The following SLC4A4 variants were observed in gnomAD, a reference collection of about 807,000 sequenced individuals.
The protein encoded by SLC4A4 is solute carrier family 4 member 4.
In SLC4A4, 27 loss-of-function variants were observed where a neutral mutation model predicts 111.5. The ratio of observed to expected loss-of-function variants is 0.24; its 90% CI spans 0.18 to 0.33. SLC4A4 has a LOEUF of 0.33. Among genes scored for constraint, SLC4A4 ranks in the 10% least tolerant of loss-of-function variants. SLC4A4 has a pLI of 1.00. For missense variants in SLC4A4, 909 were observed against 1,315.5 expected, an observed-to-expected ratio of 0.69 and a Z score of 4.78; for synonymous variants, 443 against 463.4, an observed-to-expected ratio of 0.96 and a Z score of 0.57.
intron 20 of SLC4A4, among the ~76,000 whole-genome samples, chr4:71,554,412 T>C (rs72854431): frequency 0.012 from 1,853 of 151,958 alleles, 41 homozygotes; most frequent in African/African-American, 0.042. Context: ...ATTTCAAAGG[T>C]CTAGGAATAG....
At chr4:71,154,739 A>G (rs995807774) in intron 2 of SLC4A4, among the ~76,000 whole-genome samples, 3 of 152,216 alleles carry the variant, frequency 2.0e-5, no homozygotes, top group Non-Finnish European at 4.4e-5. Context: ...ATAATTCTAC[A>G]TTTAATAGAT....
At chr4:71,248,161 G>A (rs996507995) in intron 2 of SLC4A4, among the ~76,000 whole-genome samples, 3 of 152,106 alleles carry the variant, frequency 2.0e-5, no homozygotes, top group Non-Finnish European at 4.4e-5. Context: ...TCCTCTAGGT[G>A]AATGTTCTGG....
intron 4 of SLC4A4, among the ~76,000 whole-genome samples, chr4:71,349,702 C>T (rs1413495610): frequency 6.6e-6 from 1 of 152,164 alleles, no homozygotes; most frequent in Non-Finnish European, 1.5e-5. Context: ...CTTTTTTCTT[C>T]TCTAACTTCA....
intron 18 of SLC4A4, among the ~76,000 whole-genome samples, chr4:71,540,840 A>T (rs1869378): frequency 0.21 from 31,633 of 152,116 alleles, 5,795 homozygotes; most frequent in East Asian, 0.48. Context: ...AGGCCCAGGG[A>T]GGGAAGGAGC....
intron 3 of SLC4A4, among the ~76,000 whole-genome samples, chr4:71,313,349 G>A (rs1206758337): frequency 6.6e-6 from 1 of 152,126 alleles, no homozygotes; most frequent in East Asian, 1.9e-4. Flanking sequence ...ATGGCCATAT[G>A]GCCCAGAGTA....
Position 71,102,042 on chromosome 4 carries a change from A to G in SLC4A4, c.-2+9250A>G, listed in dbSNP as rs1290427175. Among the ~76,000 whole-genome samples, 4 of 151,296 alleles carry G rather than the reference A, an allele frequency of 2.6e-5. No homozygotes were observed. The East Asian group carries it at 7.8e-4, about 30-fold the overall frequency. Reference sequence around the variant, plus strand: ...CTTTGAAAAAAAATTAGAAGAATGTATAACTAGAATAACCAATACAGAGAA... The same window carrying G: ...CTTTGAAAAAAAATTAGAAGAATGTGTAACTAGAATAACCAATACAGAGAA... On this transcript the variant is annotated intron_variant, in intron 2 of 26. Coordinates refer to the SLC4A4 transcript ENST00000649996.
intron 2 of SLC4A4, among the ~76,000 whole-genome samples, chr4:71,180,791 G>A (rs1035169048): frequency 2.0e-5 from 3 of 152,144 alleles, no homozygotes; most frequent in Non-Finnish European, 2.9e-5. Flanking sequence ...TCAGTGTGGC[G>A]ATTCCTCAGG....
intron 3 of SLC4A4, among the ~76,000 whole-genome samples, chr4:71,307,074 G>A (rs543020840): frequency 6.6e-6 from 1 of 152,302 alleles, no homozygotes; most frequent in African/African-American, 2.4e-5. Context: ...TTAGAAAATG[G>A]CATGTGAATT....
intron 1 of SLC4A4, among the ~76,000 whole-genome samples, chr4:71,081,356 A>T (rs1741988512): frequency 6.6e-6 from 1 of 152,098 alleles, no homozygotes; most frequent in Non-Finnish European, 1.5e-5. Flanking sequence ...GTTGCCACAG[A>T]TGCCAAAACT....
At chr4:71,142,631 C>T (rs1430220855) in intron 2 of SLC4A4, among the ~76,000 whole-genome samples, 2 of 152,140 alleles carry the variant, frequency 1.3e-5, no homozygotes, top group Non-Finnish European at 2.9e-5. Flanking sequence ...AGAGGAAATT[C>T]ACCAACCTGA....
intron 3 of SLC4A4, among the ~76,000 whole-genome samples, chr4:71,270,857 C>A (rs1452723132): frequency 2.0e-5 from 3 of 152,218 alleles, no homozygotes; most frequent in Non-Finnish European, 4.4e-5. Flanking sequence ...ACCATGGTCT[C>A]ATCTGCACTG....
Position 71,547,715 on chromosome 4 carries a change from T to G in SLC4A4, c.2689T>G (p.Leu897Val). 6.2e-7 allele frequency: 1 copy of G among 1,610,756 alleles called. No homozygotes were observed. Among genetic ancestry groups the G allele is most frequent in the Non-Finnish European group, 8.5e-7 (1 of 1,177,460 alleles). ...TCTGTCAGTCTTTATGGCTCCCATC[T>G]TGAAGGTAAATATGTGAAACATTCA... Reference protein sequence around the residue: ...TGLSVFMAPILKFIPMPVLYG... With the variant: ...TGLSVFMAPIVKFIPMPVLYG... Residue 897 changes from leucine to valine, a missense_variant, in exon 20 of 26, where the codon TTG becomes GTG. Transcript: ENST00000264485.
chr4:71,224,478 T>C (rs182151506), intron 1 of SLC4A4, among the ~76,000 whole-genome samples: 1 of 152,334 alleles, frequency 6.6e-6, no homozygotes, highest in Non-Finnish European at 1.5e-5. Flanking sequence ...TGTGGTTTTT[T>C]TTGGGAATGT....
chr4:71,190,429 C>CAG (rs149752896), intron 1 of SLC4A4, among the ~76,000 whole-genome samples: 1 of 135,692 alleles, frequency 7.4e-6, no homozygotes, highest in Non-Finnish European at 1.6e-5. Context: ...CACACACACA[C>CAG]AGACACAACT....
Position 71,443,987 on chromosome 4 carries a change from A to G in SLC4A4, c.965+3214A>G, listed in dbSNP as rs906460136. Among the ~76,000 whole-genome samples, 3 of 152,200 alleles carry G rather than the reference A, an allele frequency of 2.0e-5. No homozygotes were observed. The South Asian group carries it at 6.2e-4, about 32-fold the overall frequency. On this transcript the variant is annotated intron_variant, in intron 8 of 25. Coordinates refer to ENST00000264485, the MANE Select transcript of SLC4A4 (RefSeq NM_001098484.3). Reference sequence around the variant, plus strand: ...GTGGGTTTGTGGTCCTCATGAATCCATTATGGAAGCCACAGTTTAGCCACA... The same window carrying G: ...GTGGGTTTGTGGTCCTCATGAATCCGTTATGGAAGCCACAGTTTAGCCACA...
chr4:71,417,788 A>G (rs988477552), intron 7 of SLC4A4, among the ~76,000 whole-genome samples: 1 of 152,204 alleles, frequency 6.6e-6, no homozygotes, highest in African/African-American at 2.4e-5. Flanking sequence ...AGGCTCTGGT[A>G]TTTCAGGAAA....
intron 16 of SLC4A4, among the ~76,000 whole-genome samples, chr4:71,531,823 AGAGAAAGAGC>A (rs1733953925): frequency 6.6e-6 from 1 of 151,354 alleles, no homozygotes; most frequent in South Asian, 2.1e-4. Flanking sequence ...AGAGAGAGAG[AGAGAAAGAGC>A]GAGCGCAACC....
intron 2 of SLC4A4, among the ~76,000 whole-genome samples, chr4:71,166,672 C>T (rs1416874743): frequency 1.3e-5 from 2 of 152,134 alleles, no homozygotes; most frequent in African/African-American, 4.8e-5. Context: ...TCCTTTGACT[C>T]TAGCTTTTAT....
At chr4:71,528,935 A>C (rs761623513) in intron 16 of SLC4A4, among the ~76,000 whole-genome samples, 27 of 152,042 alleles carry the variant, frequency 1.8e-4, no homozygotes, top group Non-Finnish European at 3.7e-4. Context: ...GAATTGAAAA[A>C]CATTTTCTTT....
Sources: allele counts gnomAD v4.1 joint callset (sites outside exome capture counted in the v4.1 genomes callset), GRCh38; gene constraint gnomAD v4.1.1; transcripts MANE v1.5; gene names NCBI Gene and HGNC (gene_info 2026-07-23, HGNC 2026-07-21).